Variants in NCK1 observed in about 807,000 individuals in gnomAD.
NCK1 encodes the protein SH2/SH3 adapter protein NCK1.
In NCK1, 19 loss-of-function variants were observed where a neutral mutation model predicts 36.6. That is an observed-to-expected ratio of 0.52 (90% confidence interval 0.36 to 0.76). NCK1 has a LOEUF of 0.76. Among genes scored for constraint, NCK1 ranks in the 30% least tolerant of loss-of-function variants. The pLI is 0.00. For synonymous variants in NCK1, 165 were observed against 156.0 expected (o/e 1.06, Z -0.43); for missense variants, 358 against 445.6 (o/e 0.80, Z 1.77).
In NCK1 at chr3:136,899,793, G is replaced by C. The variant is rs1484983494; in HGVS notation, c.-18-28191G>C. 3 of 1,460,040 alleles carry C rather than the reference G, an allele frequency of 2.1e-6. No individual in the cohort carries two copies. In the African/African-American group the frequency reaches 4.2e-5, roughly 20 times the overall value. 90.4% of individuals were successfully genotyped at this position (1,460,040 alleles called of 1,614,324 possible). A position where few individuals can be genotyped will look rare whatever the true frequency, so the allele number is the denominator to read the frequency against. On this transcript the variant is annotated intron_variant, in intron 1 of 3. Transcript: ENST00000481752. Reference sequence around the variant, plus strand: ...AGACTTCTGCACATTAGTGGTGACTGTTGAAAGTTCCTTCACTGATAAAGC... The same window carrying C: ...AGACTTCTGCACATTAGTGGTGACTCTTGAAAGTTCCTTCACTGATAAAGC...
At chr3:136,936,869 A>G (rs1176701472) in intron 2 of NCK1, among the ~76,000 whole-genome samples, 1 of 152,236 alleles carries the variant, frequency 6.6e-6, no homozygotes, top group Admixed American at 6.5e-5. Context: ...TGTTCTGGAT[A>G]CTAGACCCTT....
At chr3:136,880,511 C>T (rs989081996) in intron 1 of NCK1, among the ~76,000 whole-genome samples, 7 of 152,088 alleles carry the variant, frequency 4.6e-5, no homozygotes, top group Admixed American at 1.3e-4. Flanking sequence ...AGAAGGAACA[C>T]GTTCCTGCTG....
chr3:136,896,566 C>T (rs963311677), intron 1 of NCK1, among the ~76,000 whole-genome samples: 4 of 152,156 alleles, frequency 2.6e-5, no homozygotes, highest in African/African-American at 9.7e-5. Flanking sequence ...AAGGCAGGGT[C>T]TCACTCTGTC....
chr3:136,863,034 A>G (rs1411783639), intron 1 of NCK1, among the ~76,000 whole-genome samples: 1 of 151,318 alleles, frequency 6.6e-6, no homozygotes, highest in East Asian at 2.0e-4. Context: ...CTGTATTAAC[A>G]TACAAGTTAA....
At chr3:136,902,702 C>T (rs1180060456) in intron 1 of NCK1, among the ~76,000 whole-genome samples, 1 of 149,620 alleles carries the variant, frequency 6.7e-6, no homozygotes, top group Non-Finnish European at 1.5e-5. Context: ...ACTGCAAGTC[C>T]TAACCAGACC....
chr3:136,908,757 A>G (rs1939754511), intron 1 of NCK1, among the ~76,000 whole-genome samples: 1 of 152,224 alleles, frequency 6.6e-6, no homozygotes, highest in Non-Finnish European at 1.5e-5. Flanking sequence ...AAAGATATTA[A>G]AAGTAGACAG....
rs145584114 is a variant in NCK1 at position 136,942,125 on chromosome 3, C to A, written c.227-3458C>A. On this transcript the variant is annotated intron_variant, in intron 2 of 3. Transcript: ENST00000481752. ...AGTGCTGGGATTACAGGTGTGAGCC[C>A]CTGTGCCCAGCCTCTCTTTAGCATT... 9.9e-5 allele frequency among the ~76,000 whole-genome samples: 15 copies of A among 152,228 alleles called. No individual in the cohort carries two copies. In the East Asian group the frequency reaches 2.9e-3, roughly 29 times the overall value.
At position 136,905,043 on chromosome 3, in the gene NCK1, C is replaced by T. The variant is rs544877044; in HGVS notation, c.-18-22941C>T. Among the ~76,000 whole-genome samples, 7 of 144,152 alleles carry T rather than the reference C, an allele frequency of 4.9e-5. No homozygotes were observed. In the South Asian group the frequency reaches 1.3e-3, roughly 27 times the overall value. The allele number at this position is 144,152 out of a possible 152,430, so 94.6% of individuals were successfully genotyped here. A position where few individuals can be genotyped will look rare whatever the true frequency, so the allele number is the denominator to read the frequency against. ...TTTTTTTCTTTTTGAGATGGAGTCT[C>T]GCTCTGTTTCCCAGGCTAGAGTGCT... On this transcript the variant is annotated intron_variant, in intron 1 of 3. Transcript: ENST00000481752.
At position 136,950,459 on chromosome 3, in the gene NCK1, C is replaced by T. The variant is rs182010746; in HGVS notation, c.*2006C>T. Among the ~76,000 whole-genome samples, 1 of 152,228 alleles carries T rather than the reference C, an allele frequency of 6.6e-6. No homozygotes were observed. Among genetic ancestry groups the T allele is most frequent in the East Asian group, 1.9e-4 (1 of 5,188 alleles). On this transcript the variant is annotated 3_prime_UTR_variant, in exon 4 of 4. Transcript: ENST00000481752. ...AGCGCTCCCAGATAACCCATGTGTGCTAGTAATATCTATTGTGTGCTCTTA... is the reference window on the plus strand; with the variant it reads ...AGCGCTCCCAGATAACCCATGTGTGTTAGTAATATCTATTGTGTGCTCTTA...
intron 1 of NCK1, among the ~76,000 whole-genome samples, chr3:136,893,881 TTATGC>T (rs1939322087): frequency 6.6e-6 from 1 of 152,214 alleles, no homozygotes; most frequent in Admixed American, 6.5e-5. Flanking sequence ...TAGATTTCCT[TTATGC>T]TGGGCCAGCA....
At chr3:136,866,091 A>G (rs1011579941) in intron 1 of NCK1, among the ~76,000 whole-genome samples, 1 of 152,186 alleles carries the variant, frequency 6.6e-6, no homozygotes, top group Non-Finnish European at 1.5e-5. Context: ...AACCAGTGAT[A>G]ACTCTCTGTT....
chr3:136,870,051 A>T (rs55650043), intron 1 of NCK1, among the ~76,000 whole-genome samples: 48,463 of 90,340 alleles, frequency 0.54, 10,475 homozygotes, highest in East Asian at 0.8. Context: ...TTTTTTTTTT[A>T]AAAGAATCAT....
intron 1 of NCK1, chr3:136,899,834 GT>G: frequency 6.8e-7 from 1 of 1,475,836 alleles, no homozygotes; most frequent in Non-Finnish European, 9.5e-7. Context: ...CAACTTCTAA[GT>G]CTCTCTGGTA....
At chr3:136,902,723 G>T (rs1262572683) in intron 1 of NCK1, among the ~76,000 whole-genome samples, 1 of 150,866 alleles carries the variant, frequency 6.6e-6, no homozygotes, top group Non-Finnish European at 1.5e-5. Flanking sequence ...AATCAGGCAA[G>T]AGGGAAAAAA....
intron 1 of NCK1, among the ~76,000 whole-genome samples, chr3:136,876,243 A>G (rs1279149231): frequency 6.6e-6 from 1 of 152,200 alleles, no homozygotes; most frequent in African/African-American, 2.4e-5. Flanking sequence ...AATTAAAAGA[A>G]CTAGAAAAGC....
chr3:136,949,110 C>A lies in NCK1; in HGVS notation c.*657C>A, dbSNP rs1940908072. The A allele has an allele frequency of 6.6e-6, 1 of 152,250 alleles. No homozygotes were observed. The highest frequency in any genetic ancestry group is 1.5e-5 in the Non-Finnish European group (1 of 67,904). 9.4% of individuals were successfully genotyped at this position (152,250 alleles called of 1,614,324 possible). A position where few individuals can be genotyped will look rare whatever the true frequency, so the allele number is the denominator to read the frequency against. On this transcript the variant is annotated 3_prime_UTR_variant, in exon 4 of 4. Transcript: ENST00000481752. ...ATTTACAACTGTTGGAAATAAAAAT[C>A]ACTTAATTTTTTTCCAGTGCTTCTC...
At chr3:136,943,024 C>T (rs1015770774) in intron 2 of NCK1, among the ~76,000 whole-genome samples, 2 of 152,210 alleles carry the variant, frequency 1.3e-5, no homozygotes, top group African/African-American at 2.4e-5. Flanking sequence ...TCCACACAGC[C>T]ATCACTGACT....
intron 1 of NCK1, among the ~76,000 whole-genome samples, chr3:136,884,833 G>A (rs1034566952): frequency 6.6e-6 from 1 of 151,620 alleles, no homozygotes; most frequent in Admixed American, 6.6e-5. Context: ...GGATTCTCCT[G>A]CCTCAGCCTC....
At chr3:136,877,430 A>C (rs1313863792) in intron 1 of NCK1, among the ~76,000 whole-genome samples, 1 of 152,228 alleles carries the variant, frequency 6.6e-6, no homozygotes, top group Non-Finnish European at 1.5e-5. Flanking sequence ...TTTAGAACAG[A>C]ACCATGAAAA....
Sources: gnomAD v4.1 joint callset for allele counts (sites outside exome capture counted in the v4.1 genomes callset) on GRCh38, gnomAD v4.1.1 for gene constraint, MANE v1.5 for transcripts, NCBI Gene and HGNC (gene_info 2026-07-23, HGNC 2026-07-21) for gene names.